NEBL: variants seen among roughly 807,000 people sequenced by gnomAD.
The protein encoded by NEBL is nebulette.
NEBL carries 122 observed loss-of-function variants against 140.2 expected under a neutral mutation model. The ratio of observed to expected loss-of-function variants is 0.87; its 90% CI spans 0.75 to 1.01. The LOEUF is 1.01. Ranked by LOEUF, NEBL falls within the 50% of genes least tolerant of loss-of-function variation. The pLI, the probability that NEBL is intolerant of heterozygous loss-of-function variation, is 0.00. For missense variants in NEBL, 1,365 were observed against 1,231.3 expected (o/e 1.11, Z -1.62); for synonymous variants, 436 against 398.9 (o/e 1.09, Z -1.11).
intron 2 of NEBL, among the ~76,000 whole-genome samples, chr10:21,069,676 T>A (rs964563422): frequency 6.6e-6 from 1 of 152,248 alleles, no homozygotes; most frequent in African/African-American, 2.4e-5. Flanking sequence ...TGGTTCATGT[T>A]ACACATTTTC....
chr10:20,984,522 C>T (rs1459033117), intron 3 of NEBL, among the ~76,000 whole-genome samples: 2 of 152,130 alleles, frequency 1.3e-5, no homozygotes, highest in East Asian at 3.9e-4. Flanking sequence ...TGAGATGTCT[C>T]TCCCCTAGTT....
At chr10:21,136,140 C>A (rs1230723552) in intron 2 of NEBL, among the ~76,000 whole-genome samples, 4 of 152,152 alleles carry the variant, frequency 2.6e-5, no homozygotes, top group Non-Finnish European at 5.9e-5. Context: ...CCCAAACTTT[C>A]CACAAGTTTG....
At chr10:20,984,906 A>T (rs928424675) in intron 3 of NEBL, among the ~76,000 whole-genome samples, 1 of 152,104 alleles carries the variant, frequency 6.6e-6, no homozygotes, top group Non-Finnish European at 1.5e-5. Flanking sequence ...TTAGATTCTC[A>T]TAGGAGCACG....
At chr10:21,212,015 A>G (rs1049577546) in intron 3 of NEBL, among the ~76,000 whole-genome samples, 1 of 151,994 alleles carries the variant, frequency 6.6e-6, no homozygotes, top group Non-Finnish European at 1.5e-5. Flanking sequence ...TCAGATATAT[A>G]TATCTATAAA....
In NEBL at chr10:20,860,343, A is replaced by C. The variant is rs188174800; in HGVS notation, c.685-517T>G. Among the ~76,000 whole-genome samples, 5 of 152,140 alleles carry C rather than the reference A, an allele frequency of 3.3e-5. No homozygotes were observed. In the East Asian group the frequency reaches 9.6e-4, roughly 29 times the overall value. Reference sequence around the variant, plus strand: ...TTTCTGAAATGTCCTGGGTCAACTTAATGTCAATGTAAAACTTTCTCTGCT... The same window carrying C: ...TTTCTGAAATGTCCTGGGTCAACTTCATGTCAATGTAAAACTTTCTCTGCT... On this transcript the variant is annotated intron_variant, in intron 7 of 27. Transcript: ENST00000377122.
chr10:20,959,011 AT>A (rs1835933133), intron 4 of NEBL, among the ~76,000 whole-genome samples: 1 of 152,192 alleles, frequency 6.6e-6, no homozygotes, highest in Non-Finnish European at 1.5e-5. Flanking sequence ...GCAATCAAAA[AT>A]TCCCATTCAT....
upstream of NEBL, among the ~76,000 whole-genome samples, chr10:21,176,919 C>G (rs1267398352): frequency 6.6e-6 from 1 of 152,122 alleles, no homozygotes; most frequent in Admixed American, 6.6e-5. Flanking sequence ...TTATAATCAC[C>G]TTTATTATTC....
At chr10:21,177,817 C>G (rs781031741), upstream of NEBL, among the ~76,000 whole-genome samples, 2 of 152,146 alleles carry the variant, frequency 1.3e-5, no homozygotes, top group African/African-American at 4.8e-5. Context: ...CGTGAGCCAC[C>G]GTGCCCAGCC....
intron 4 of NEBL, among the ~76,000 whole-genome samples, chr10:20,887,091 T>C (rs1301202588): frequency 1.3e-5 from 2 of 152,152 alleles, no homozygotes; most frequent in Non-Finnish European, 2.9e-5. Context: ...AAACACAACA[T>C]TAAGATGAAC....
intron 9 of NEBL, among the ~76,000 whole-genome samples, chr10:20,857,419 A>C (rs1190247228): frequency 6.6e-6 from 1 of 152,156 alleles, no homozygotes; most frequent in Non-Finnish European, 1.5e-5. Flanking sequence ...TTCTGCATCT[A>C]ATCTATGCCT....
At chr10:21,239,258 T>A (rs181802401) in intron 3 of NEBL, among the ~76,000 whole-genome samples, 1 of 152,032 alleles carries the variant, frequency 6.6e-6, no homozygotes, top group East Asian at 1.9e-4. Flanking sequence ...CTTTTTTTTT[T>A]AAACAAACAC....
chr10:20,892,219 G>T (rs1847091163), intron 2 of NEBL, among the ~76,000 whole-genome samples: 1 of 152,196 alleles, frequency 6.6e-6, no homozygotes, highest in African/African-American at 2.4e-5. Flanking sequence ...TTTGGCCTGG[G>T]GAGCCACACT....
intron 7 of NEBL, among the ~76,000 whole-genome samples, chr10:20,862,899 G>T (rs1430481575): frequency 6.6e-6 from 1 of 151,508 alleles, no homozygotes; most frequent in African/African-American, 2.4e-5. Flanking sequence ...AATCTCTGTG[G>T]GTACACAGTA....
chr10:21,004,638 T>C (rs1838045272), intron 3 of NEBL, among the ~76,000 whole-genome samples: 1 of 151,878 alleles, frequency 6.6e-6, no homozygotes, highest in African/African-American at 2.4e-5. Flanking sequence ...GAGAATGGTG[T>C]GAACCCGGGA....
At chr10:21,082,136 A>G (rs965671902) in intron 2 of NEBL, among the ~76,000 whole-genome samples, 1 of 152,176 alleles carries the variant, frequency 6.6e-6, no homozygotes, top group African/African-American at 2.4e-5. Context: ...ACCGAAACTG[A>G]GGAACTTAAC....
At chr10:21,027,550 G>A (rs965523213) in intron 2 of NEBL, among the ~76,000 whole-genome samples, 3 of 151,974 alleles carry the variant, frequency 2.0e-5, no homozygotes, top group Non-Finnish European at 2.9e-5. Flanking sequence ...GCTGGATCTC[G>A]AACTCCTGGG....
At chr10:20,819,889 C>G (rs538962823) in intron 19 of NEBL, among the ~76,000 whole-genome samples, 2 of 152,100 alleles carry the variant, frequency 1.3e-5, no homozygotes, top group East Asian at 3.9e-4. Flanking sequence ...CACACCCAAC[C>G]CTTATCAAAT....
At chr10:21,053,902 T>A (rs568929) in intron 2 of NEBL, among the ~76,000 whole-genome samples, 1 of 151,776 alleles carries the variant, frequency 6.6e-6, no homozygotes, top group Admixed American at 6.6e-5. Flanking sequence ...GCATGGTGGT[T>A]CGCACCTGTA....
At chr10:20,924,485 C>CTAAG (rs1342584100) in intron 4 of NEBL, among the ~76,000 whole-genome samples, 3 of 143,698 alleles carry the variant, frequency 2.1e-5, no homozygotes, top group Admixed American at 7.2e-5. Flanking sequence ...AAAATAAGCT[C>CTAAG]CTCGGAAGAG....
Sources: allele counts gnomAD v4.1 joint callset (sites outside exome capture counted in the v4.1 genomes callset), GRCh38; gene constraint gnomAD v4.1.1; transcripts MANE v1.5; gene names NCBI Gene and HGNC (gene_info 2026-07-23, HGNC 2026-07-21).